ARHGEF40: variants seen among roughly 807,000 people sequenced by gnomAD.
ARHGEF40 encodes the protein Rho guanine nucleotide exchange factor 40, also known as Rho guanine nucleotide exchange factor (GEF) 40.
Under a neutral mutation model 165.9 loss-of-function variants are expected in ARHGEF40, and 98 were observed. The ratio of observed to expected loss-of-function variants is 0.59; its 90% CI spans 0.50 to 0.70. ARHGEF40 has a LOEUF of 0.70. ARHGEF40 is among the 30% of genes least tolerant of loss of function. The probability of loss-of-function intolerance (pLI) is 0.00; values close to 1 mark genes in which losing one functional copy is unlikely to be tolerated. For missense variants in ARHGEF40, 1,815 were observed against 1,968.0 expected, an observed-to-expected ratio of 0.92 and a Z score of 1.47; for synonymous variants, 792 against 814.3, an observed-to-expected ratio of 0.97 and a Z score of 0.47.
Position 21,074,986 on chromosome 14 carries a change from C to T in ARHGEF40, c.1256C>T (p.Ser419Leu). 6.2e-7 allele frequency: 1 copy of T among 1,613,250 alleles called. No individual in the cohort carries two copies. The highest frequency in any genetic ancestry group is 1.3e-5 in the African/African-American group (1 of 74,970). Residue 419 changes from serine (S) to leucine (L), a missense_variant, in exon 3 of 24, where the codon TCA becomes TTA. Physicochemically the swap from Ser to Leu is moderately radical, Grantham distance 145. Transcript: ENST00000298694. The surrounding 1 kb of genome is among the most constrained non-coding windows in gnomAD (Gnocchi z 4.8). ...CAAGAAGCCCTTGGCAATCTGCCCT[C>T]ACCAAGTGAGCACAAGCTTCCAGAA... is the stretch of plus-strand genomic sequence containing the variant. Reference protein sequence around the residue: ...SHQEALGNLPSPSEHKLPECH... With the variant: ...SHQEALGNLPLPSEHKLPECH...
intron 11 of ARHGEF40, 71 bp downstream of exon 11, chr14:21,079,081 C>T (rs1887666741): frequency 6.5e-7 from 1 of 1,538,506 alleles, no homozygotes; most frequent in Non-Finnish European, 8.8e-7. Flanking sequence ...CCCGTTGGTA[C>T]TTATAGTTGA....
Position 21,078,450 on chromosome 14 carries a change from G to C in ARHGEF40, c.2208G>C (p.Gly736=). The C allele has an allele frequency of 6.2e-7, 1 of 1,609,604 alleles. No homozygotes were observed. Among genetic ancestry groups the C allele is most frequent in the Middle Eastern group, 1.7e-4 (1 of 6,038 alleles). ...TGACGGCACTGCAGAGGGATGGGGGGGCCATCCTGATGAGGCTGCGCTCCA... is the reference window on the plus strand; with the variant it reads ...TGACGGCACTGCAGAGGGATGGGGGCGCCATCCTGATGAGGCTGCGCTCCA... ...PRLTALQRDG[G]AILMRLRSTP... is the part of the protein sequence containing the mutation. The change falls in exon 10 of 24, where the codon GGG becomes GGC. Residue 736 remains glycine (G), a synonymous_variant. Coordinates refer to ENST00000298694, the MANE Select transcript of ARHGEF40 (RefSeq NM_018071.5).
At chr14:21,064,412 C>G in the ARHGEF40 span, among the ~76,000 whole-genome samples, 1 of 152,062 alleles carries the variant, frequency 6.6e-6, no homozygotes, top group Non-Finnish European at 1.5e-5. Context: ...AGCGATTCTC[C>G]TGTCTCAGCC....
chr14:21,080,199 G>GACACAC lies in ARHGEF40; in HGVS notation c.2374-416_2374-411dup, dbSNP rs71112543. On this transcript the variant is annotated intron_variant, in intron 11 of 23. Coordinates refer to ENST00000298694, the MANE Select transcript of ARHGEF40 (RefSeq NM_018071.5). ...GCCTCATATTAGGAAATTAAAGCCG[G>GACACAC]ACACACACACACACACACACACACA... 3.7e-4 allele frequency among the ~76,000 whole-genome samples: 50 copies of GACACAC among 135,412 alleles called. 1 individual carries two copies. The highest frequency in any genetic ancestry group is 3.6e-3 in the Middle Eastern group (1 of 274). The allele number at this position is 135,412 out of a possible 152,430, so 88.8% of individuals were successfully genotyped here.
chr14:21,084,960 A>G, intron 18 of ARHGEF40, 37 bp downstream of exon 18: 1 of 1,598,060 alleles, frequency 6.3e-7, no homozygotes, highest in Admixed American at 1.7e-5. Context: ...GGTGACAGGA[A>G]GTCATTCTCT....
upstream of ARHGEF40, among the ~76,000 whole-genome samples, chr14:21,067,987 T>C: frequency 6.5e-4 from 5 of 7,680 alleles, 2 homozygotes; most frequent in Admixed American, 4.8e-3. Context: ...CCCCTTTTTT[T>C]TTTTTTTTTT....
rs774218412 is a variant in ARHGEF40 at position 21,081,819 on chromosome 14, G to A, written c.2951G>A (p.Ser984Asn). 15 of 1,605,904 alleles carry A rather than the reference G, an allele frequency of 9.3e-6. No individual in the cohort carries two copies. Among genetic ancestry groups the A allele is most frequent in the Admixed American group, 6.7e-5 (4 of 59,286 alleles). Residue 984 changes from serine (S) to asparagine (N), a missense_variant, in exon 14 of 24, where the codon AGC becomes AAC. Coordinates refer to ENST00000298694, the MANE Select transcript of ARHGEF40 (RefSeq NM_018071.5). ...SSGGAQWGPRSPSPSLSSLLL... is the reference protein window; with the variant it reads ...SSGGAQWGPRNPSPSLSSLLL... ...GGAGGGGCCCAGTGGGGGCCCCGCA[G>A]CCCCTCGCCCAGCCTCAGCTCCTTG...
Position 21,078,221 on chromosome 14 carries a change from G to C in ARHGEF40, c.2079G>C (p.Ser693=), listed in dbSNP as rs148832965. 24 of 1,613,960 alleles carry C rather than the reference G, an allele frequency of 1.5e-5. No homozygotes were observed. Among genetic ancestry groups the C allele is most frequent in the Non-Finnish European group, 1.9e-5 (22 of 1,180,008 alleles). ...LCRLCQGVLG[S]VRQAIEELEG... ...GCCTGTGCCAAGGTGTGCTGGGCTC[G>C]GTACGGCAGGCCATTGAGGAGCTGG... The change falls in exon 9 of 24, where the codon TCG becomes TCC. Residue 693 remains serine (S), a synonymous_variant. Coordinates refer to ENST00000298694, the MANE Select transcript of ARHGEF40 (RefSeq NM_018071.5).
Position 21,074,713 on chromosome 14 carries a change from C to T in ARHGEF40, c.983C>T (p.Ala328Val). 6.3e-7 allele frequency: 1 copy of T among 1,598,400 alleles called. No individual in the cohort carries two copies. ...CCAGGAGCTGAGGCTGTCCCAGAGG[C>T]AGCAGTCTTGGAGGTGTCTGAGCCC... Reference protein sequence around the residue: ...SPPGAEAVPEAAVLEVSEPPA... With the variant: ...SPPGAEAVPEVAVLEVSEPPA... Residue 328 changes from alanine to valine, a missense_variant, in exon 3 of 24, where the codon GCA becomes GTA. Transcript: ENST00000298694. The surrounding 1 kb of genome is among the most constrained non-coding windows in gnomAD (Gnocchi z 4.8).
intron 11 of ARHGEF40, 111 bp downstream of exon 11, chr14:21,079,121 C>G: frequency 1.4e-6 from 2 of 1,392,378 alleles, no homozygotes; most frequent in South Asian, 2.8e-5. Context: ...CTTGGTTGAA[C>G]GCCCCTCCCT....
chr14:21,075,194 G>A lies in ARHGEF40; in HGVS notation c.1450+14G>A. 6.3e-7 allele frequency: 1 copy of A among 1,586,396 alleles called. No individual in the cohort carries two copies. The highest frequency in any genetic ancestry group is 8.6e-7 in the Non-Finnish European group (1 of 1,167,144). On this transcript the variant is annotated intron_variant, in intron 3 of 23. Transcript: ENST00000298694. This position sits in a 1 kb window ranked among gnomAD's most constrained non-coding sequence, Gnocchi z 4.5. ...TGTGTATGGCAGGTGAGATGACACG[G>A]AGTGAGGCTCATGGGGCAAGGGCCA...
In ARHGEF40 at chr14:21,087,352, T is replaced by C. The variant is rs1479458572; in HGVS notation, c.4276T>C (p.Ser1426Pro). ...ARTRASVAVSSFEHAGPSLPG... is the reference protein window; with the variant it reads ...ARTRASVAVSPFEHAGPSLPG... The stretch of plus-strand genomic sequence containing the variant: ...CACCCGGGCCTCCGTGGCCGTGTCA[T>C]CCTTTGAGCATGCCGGCCCCTCCCT... The change falls in exon 21 of 24, where the codon TCC becomes CCC. Residue 1426 changes from serine (S) to proline (P), a missense_variant. By Grantham distance (74) the Ser-to-Pro change is moderately conservative. Coordinates refer to ENST00000298694, the MANE Select transcript of ARHGEF40 (RefSeq NM_018071.5). The C allele has an allele frequency of 6.2e-7, 1 of 1,606,238 alleles. No individual in the cohort carries two copies. The highest frequency in any genetic ancestry group is 2.2e-5 in the East Asian group (1 of 44,846).
upstream of ARHGEF40, chr14:21,070,156 C>T (rs182313098): frequency 2.8e-3 from 626 of 226,578 alleles, 4 homozygotes; most frequent in African/African-American, 0.014. The surrounding 1 kb of genome is among the most constrained non-coding windows in gnomAD (Gnocchi z 4.7). Context: ...AGACAGAGTC[C>T]CGGCAAGGGG....
chr14:21,089,000 C>T lies in ARHGEF40; in HGVS notation c.*6-14C>T. ...CTCTCCCAACTCATCTCCCTCTTCT[C>T]TCCTGGCTTCTAGAGAAGATCCAGA... On this transcript the variant is annotated splice_polypyrimidine_tract_variant and intron_variant, in intron 23 of 23. Transcript: ENST00000298694. The T allele has an allele frequency of 3.1e-6, 3 of 959,122 alleles. No individual in the cohort carries two copies. The highest frequency in any genetic ancestry group is 4.7e-6 in the Non-Finnish European group (3 of 635,422). 59.4% of individuals were successfully genotyped at this position (959,122 alleles called of 1,614,324 possible).
At position 21,080,903 on chromosome 14, in the gene ARHGEF40, G is replaced by C. The variant is rs1461882091; in HGVS notation, c.2527G>C (p.Ala843Pro). The change falls in exon 13 of 24, where the codon GCT becomes CCT. Residue 843 changes from alanine (A) to proline (P), a missense_variant. Transcript: ENST00000298694. Reference protein sequence around the residue: ...ERLAQAREALALEENATSQKV... With the variant: ...ERLAQAREALPLEENATSQKV... ...CCTGGCCCAGGCACGGGAGGCCCTG[G>C]CTCTGGAGGAGAATGCCACCTCCCA... 4.3e-6 allele frequency: 7 copies of C among 1,614,184 alleles called. No individual in the cohort carries two copies. The highest frequency in any genetic ancestry group is 5.1e-6 in the Non-Finnish European group (6 of 1,180,020).
chr14:21,081,231 G>C (rs1358821530), intron 13 of ARHGEF40: 5 of 840,454 alleles, frequency 5.9e-6, no homozygotes, highest in Non-Finnish European at 9.0e-6. Context: ...GGCTGCTGTG[G>C]GGATTACACG....
chr14:21,072,465 CACAG>C lies in ARHGEF40; in HGVS notation c.4-575_4-572del, dbSNP rs1320940762. Among the ~76,000 whole-genome samples, 1 of 152,198 alleles carries C rather than the reference CACAG, an allele frequency of 6.6e-6. No homozygotes were observed. The highest frequency in any genetic ancestry group is 2.4e-5 in the African/African-American group (1 of 41,438). ...GGATGCTAGAAAGACCCAAGACAGT[CACAG>C]ACAGTCTTTCCATCCTCCTCTTTCC... On this transcript the variant is annotated intron_variant, in intron 1 of 23. Coordinates refer to ENST00000298694, the MANE Select transcript of ARHGEF40 (RefSeq NM_018071.5). This position sits in a 1 kb window ranked among gnomAD's most constrained non-coding sequence, Gnocchi z 4.1.
intron 16 of ARHGEF40, 21 bp downstream of exon 16, chr14:21,082,938 C>T: frequency 6.2e-7 from 1 of 1,609,388 alleles, no homozygotes; most frequent in South Asian, 1.1e-5. Context: ...CTCCAACCTT[C>T]AGGAGAAAAG....
chr14:21,070,978 C>T lies in ARHGEF40; in HGVS notation c.3+579C>T. ...TTCCCGCAGAGAAAAAGAGCTGCCT[C>T]AGGATAGTTGGGGGTGCTTGGGGGG... On this transcript the variant is annotated intron_variant, in intron 1 of 23. Coordinates refer to ENST00000298694, the MANE Select transcript of ARHGEF40 (RefSeq NM_018071.5). This position sits in a 1 kb window ranked among gnomAD's most constrained non-coding sequence, Gnocchi z 4.7. The T allele has an allele frequency of 9.7e-7, 1 of 1,033,680 alleles. No homozygotes were observed. Among genetic ancestry groups the T allele is most frequent in the Non-Finnish European group, 1.4e-6 (1 of 698,164 alleles). 64.0% of individuals were successfully genotyped at this position (1,033,680 alleles called of 1,614,324 possible).
Sources: allele counts gnomAD v4.1 joint callset (sites outside exome capture counted in the v4.1 genomes callset), GRCh38; gene constraint gnomAD v4.1.1; non-coding constraint Gnocchi (gnomAD v3.1); transcripts MANE v1.5; gene names NCBI Gene and HGNC (gene_info 2026-07-23, HGNC 2026-07-21).